Variants in ETS2 observed in about 807,000 individuals in gnomAD.
The protein encoded by ETS2 is ETS proto-oncogene 2, transcription factor.
Under a neutral mutation model 54.9 loss-of-function variants are expected in ETS2, and 19 were observed. The observed-to-expected ratio is 0.35, with a 90% CI of 0.24 to 0.51. ETS2 has a LOEUF of 0.51. Ranked by LOEUF, ETS2 falls within the 20% of genes least tolerant of loss-of-function variation. ETS2 has a pLI of 0.97. For missense variants in ETS2, 417 were observed against 593.0 expected, an observed-to-expected ratio of 0.70 and a Z score of 3.08; for synonymous variants, 219 against 229.3, an observed-to-expected ratio of 0.95 and a Z score of 0.41.
intron 1 of ETS2, among the ~76,000 whole-genome samples, chr21:38,807,939 G>A (rs779373137): frequency 1.1e-4 from 17 of 152,174 alleles, no homozygotes; most frequent in Non-Finnish European, 1.9e-4. Context: ...CAGCTACCAG[G>A]ACTTATTTCA....
chr21:38,806,785 T>C lies in ETS2; in HGVS notation c.-1+665T>C. 1 of 985,490 alleles carries C rather than the reference T, an allele frequency of 1.0e-6. No homozygotes were observed. Among genetic ancestry groups the C allele is most frequent in the African/African-American group, 1.7e-5 (1 of 57,376 alleles). The allele number at this position is 985,490 out of a possible 1,614,324, so 61.0% of individuals were successfully genotyped here. A position where few individuals can be genotyped will look rare whatever the true frequency, so the allele number is the denominator to read the frequency against. ...GCGCTGGGCTGCCTTTATTTTCTCG[T>C]TCCTACAGCATTTGAATGAAGAGGT... On this transcript the variant is annotated intron_variant, in intron 1 of 9. Coordinates refer to ENST00000360938, the MANE Select transcript of ETS2 (RefSeq NM_005239.6). This position sits in a 1 kb window ranked among gnomAD's most constrained non-coding sequence, Gnocchi z 4.3.
intron 8 of ETS2, among the ~76,000 whole-genome samples, chr21:38,820,535 A>G (rs945282162): frequency 2.0e-5 from 3 of 152,242 alleles, no homozygotes; most frequent in Non-Finnish European, 4.4e-5. Flanking sequence ...GCCTGAGAAG[A>G]ATAAACAGCC....
rs754399319 is a variant in ETS2 at position 38,821,563 on chromosome 21, C to T, written c.1076-23C>T. The stretch of plus-strand genomic sequence containing the variant: ...TTTACATCTGTGAAAGGGTATGATC[C>T]GTCTCCCTCCCTCTCCCCGCAGGAA... On this transcript the variant is annotated intron_variant, in intron 8 of 9. Coordinates refer to ENST00000360938, the MANE Select transcript of ETS2 (RefSeq NM_005239.6). The surrounding 1 kb of genome is among the most constrained non-coding windows in gnomAD (Gnocchi z 4.2). 57 of 1,494,188 alleles carry T rather than the reference C, an allele frequency of 3.8e-5. 2 individuals are homozygous for T. In the South Asian group the frequency reaches 4.1e-4, roughly 11 times the overall value. The allele number at this position is 1,494,188 out of a possible 1,614,324, so 92.6% of individuals were successfully genotyped here. A position where few individuals can be genotyped will look rare whatever the true frequency, so the allele number is the denominator to read the frequency against.
intron 5 of ETS2, among the ~76,000 whole-genome samples, chr21:38,816,347 G>A (rs941859108): frequency 3.9e-5 from 6 of 152,028 alleles, no homozygotes; most frequent in African/African-American, 1.4e-4. Flanking sequence ...TTCTGAACTT[G>A]GACAGGGCTT....
Position 38,821,322 on chromosome 21 carries a change from G to C in ETS2, c.1076-264G>C, listed in dbSNP as rs1271840826. ...AAAGAACAAACCTAGCAATCAAGGG[G>C]AAGAGTGTCTCGCCTAGTGACCTTA... On this transcript the variant is annotated intron_variant, in intron 8 of 9. Coordinates refer to ENST00000360938, the MANE Select transcript of ETS2 (RefSeq NM_005239.6). This position sits in a 1 kb window ranked among gnomAD's most constrained non-coding sequence, Gnocchi z 4.2. Among the ~76,000 whole-genome samples, 1 of 152,166 alleles carries C rather than the reference G, an allele frequency of 6.6e-6. No individual in the cohort carries two copies. Among genetic ancestry groups the C allele is most frequent in the Admixed American group, 6.5e-5 (1 of 15,290 alleles).
At chr21:38,817,317 CAG>C (rs2060939450) in intron 6 of ETS2, among the ~76,000 whole-genome samples, 1 of 152,192 alleles carries the variant, frequency 6.6e-6, no homozygotes, top group East Asian at 1.9e-4. Context: ...TAGTATGAAA[CAG>C]AGAATATAAA....
chr21:38,817,974 G>A (rs1044121407), intron 6 of ETS2, among the ~76,000 whole-genome samples: 2 of 152,228 alleles, frequency 1.3e-5, no homozygotes, highest in Non-Finnish European at 2.9e-5. Flanking sequence ...ATTCTGCAAT[G>A]AACAGAGACA....
At chr21:38,811,449 T>C (rs888278523) in intron 2 of ETS2, among the ~76,000 whole-genome samples, 3 of 152,240 alleles carry the variant, frequency 2.0e-5, no homozygotes, top group Non-Finnish European at 2.9e-5. Context: ...CGTCATTCAT[T>C]GTTCTGCATT....
At chr21:38,811,823 G>C (rs1006931028) in intron 2 of ETS2, among the ~76,000 whole-genome samples, 2 of 152,070 alleles carry the variant, frequency 1.3e-5, no homozygotes, top group African/African-American at 4.8e-5. Context: ...AGGTGATTTG[G>C]GTTTTTTTTG....
chr21:38,817,990 G>A (rs1005186047), intron 6 of ETS2, among the ~76,000 whole-genome samples: 10 of 152,320 alleles, frequency 6.6e-5, no homozygotes, highest in South Asian at 2.1e-4. Flanking sequence ...AGACAGGAGC[G>A]GTGTGATGAA....
chr21:38,807,616 A>C (rs971882353), intron 1 of ETS2, among the ~76,000 whole-genome samples: 2 of 152,160 alleles, frequency 1.3e-5, no homozygotes, highest in Non-Finnish European at 2.9e-5. Context: ...GTTTTTACAA[A>C]ACTCATTAAA....
At chr21:38,805,650 T>C (rs1190152766), upstream of ETS2, 2 of 1,201,316 alleles carry the variant, frequency 1.7e-6, no homozygotes, top group East Asian at 1.2e-4. The surrounding 1 kb of genome is among the most constrained non-coding windows in gnomAD (Gnocchi z 5.2). Flanking sequence ...CGCCCCGCGC[T>C]CCCTCGCCGC....
chr21:38,806,414 C>T lies in ETS2; in HGVS notation c.-1+294C>T, dbSNP rs1008567158. 1.6e-5 allele frequency: 16 copies of T among 985,636 alleles called. No individual in the cohort carries two copies. The highest frequency in any genetic ancestry group is 1.8e-5 in the Non-Finnish European group (15 of 830,278). 61.1% of individuals were successfully genotyped at this position (985,636 alleles called of 1,614,324 possible). On this transcript the variant is annotated intron_variant, in intron 1 of 9. Coordinates refer to ENST00000360938, the MANE Select transcript of ETS2 (RefSeq NM_005239.6). This position sits in a 1 kb window ranked among gnomAD's most constrained non-coding sequence, Gnocchi z 4.3. Reference sequence around the variant, plus strand: ...CGCCTAGCGGCGGGCGCGGCCAGGGCGCGCTGGCTTGTTTCGCTCGCTTTT... The same window carrying T: ...CGCCTAGCGGCGGGCGCGGCCAGGGTGCGCTGGCTTGTTTCGCTCGCTTTT...
chr21:38,821,678 G>A lies in ETS2; in HGVS notation c.1168G>A (p.Glu390Lys). Residue 390 changes from glutamate to lysine, a missense_variant, in exon 9 of 10, where the codon GAG becomes AAG. Coordinates refer to ENST00000360938, the MANE Select transcript of ETS2 (RefSeq NM_005239.6). The surrounding 1 kb of genome is among the most constrained non-coding windows in gnomAD (Gnocchi z 4.2). ...CATCAGCTGGACTGGAGACGGATGGGAGTTTAAGCTCGCCGACCCCGATGA... is the reference window on the plus strand; with the variant it reads ...CATCAGCTGGACTGGAGACGGATGGAAGTTTAAGCTCGCCGACCCCGATGA... ...SFISWTGDGW[E>K]FKLADPDEVA... 6.2e-7 allele frequency: 1 copy of A among 1,613,914 alleles called. No homozygotes were observed. The highest frequency in any genetic ancestry group is 8.5e-7 in the Non-Finnish European group (1 of 1,179,808).
At chr21:38,815,933 TGAAAGGAA>T (rs1415897738) in intron 5 of ETS2, among the ~76,000 whole-genome samples, 1 of 111,310 alleles carries the variant, frequency 9.0e-6, no homozygotes, top group Non-Finnish European at 1.8e-5. Flanking sequence ...GAGACTCTGT[TGAAAGGAA>T]GGAAGGAAGG....
At chr21:38,818,781 T>C in intron 7 of ETS2, 135 bp downstream of exon 7, 1 of 1,038,980 alleles carries the variant, frequency 9.6e-7, no homozygotes, top group Non-Finnish European at 1.4e-6. Context: ...TCTAAGTGGA[T>C]TTCCAACAAG....
Position 38,817,134 on chromosome 21 carries a change from C to T in ETS2, c.589+43C>T, listed in dbSNP as rs3746883. On this transcript the variant is annotated intron_variant, in intron 6 of 9. Transcript: ENST00000360938. ...TGCCCTTAAGAACTTTGTCTTCAGTCTTCCCAGTAGACTTGGAATCTCTCT... is the reference window on the plus strand; with the variant it reads ...TGCCCTTAAGAACTTTGTCTTCAGTTTTCCCAGTAGACTTGGAATCTCTCT... 756 of 1,289,984 alleles carry T rather than the reference C, an allele frequency of 5.9e-4. 14 individuals carry two copies. In the East Asian group the frequency reaches 0.017, roughly 29 times the overall value. The allele number at this position is 1,289,984 out of a possible 1,614,324, so 79.9% of individuals were successfully genotyped here.
In ETS2 at chr21:38,814,380, G is replaced by T. The variant is rs1447801871; in HGVS notation, c.292G>T (p.Gly98Cys). ...SGFKKEQRRL[G>C]IPKNPWLWSE... Reference sequence around the variant, plus strand: ...CTTCAAAAAGGAACAGCGGCGCCTGGGCATTCCAAAGAGTAAGTACTGCTT... The same window carrying T: ...CTTCAAAAAGGAACAGCGGCGCCTGTGCATTCCAAAGAGTAAGTACTGCTT... The change falls in exon 4 of 10, where the codon GGC (glycine) becomes TGC (cysteine). Residue 98 changes from glycine (G) to cysteine (C), a missense_variant. Gly to Cys is a radical substitution (Grantham distance 159). Transcript: ENST00000360938. The surrounding 1 kb of genome is among the most constrained non-coding windows in gnomAD (Gnocchi z 4.2). 5 of 1,613,940 alleles carry T rather than the reference G, an allele frequency of 3.1e-6. No homozygotes were observed. In the African/African-American group the frequency reaches 5.3e-5, roughly 17 times the overall value.
At chr21:38,807,086 T>G (rs1014489111) in intron 1 of ETS2, among the ~76,000 whole-genome samples, 4 of 152,230 alleles carry the variant, frequency 2.6e-5, no homozygotes, top group Non-Finnish European at 4.4e-5. Context: ...ATCAGAGAGA[T>G]AAATCTCCAC....
Sources: allele counts gnomAD v4.1 joint callset (sites outside exome capture counted in the v4.1 genomes callset), GRCh38; gene constraint gnomAD v4.1.1; non-coding constraint Gnocchi (gnomAD v3.1); transcripts MANE v1.5; gene names NCBI Gene and HGNC (gene_info 2026-07-23, HGNC 2026-07-21).